The following ATP8B1 variants were observed in gnomAD, a reference collection of about 807,000 sequenced individuals.
The protein encoded by ATP8B1 is phospholipid-transporting ATPase IC.
A neutral mutation model predicts 149.9 loss-of-function variants in ATP8B1; 80 were observed. The observed-to-expected ratio is 0.53, with a 90% confidence interval of 0.45 to 0.64. ATP8B1 has a LOEUF of 0.64. Ranked by LOEUF, ATP8B1 falls within the 30% of genes least tolerant of loss-of-function variation. The pLI is 0.00. For missense variants in ATP8B1, 1,247 were observed against 1,552.6 expected, an observed-to-expected ratio of 0.80 and a Z score of 3.31; for synonymous variants, 536 against 562.8, an observed-to-expected ratio of 0.95 and a Z score of 0.67.
chr18:57,691,798 C>G lies in ATP8B1; in HGVS notation c.1220+9G>C, dbSNP rs1191674675. The G allele has an allele frequency of 1.2e-6, 2 of 1,613,820 alleles. No homozygotes were observed. The highest frequency in any genetic ancestry group is 1.7e-6 in the Non-Finnish European group (2 of 1,179,946). The stretch of plus-strand genomic sequence containing the variant: ...CATTAAAGCAAAATGCCAGAGAGGA[C>G]AGCCTTACCTGACATAGAGAGAGAT... On this transcript the variant is annotated intron_variant, in intron 12 of 27. Transcript: ENST00000648908.
intron 2 of ATP8B1, 132 bp downstream of exon 2, chr18:57,731,495 G>A (rs565694859): frequency 1.7e-5 from 18 of 1,042,854 alleles, no homozygotes; most frequent in Admixed American, 8.0e-5. Flanking sequence ...TCTGTCAGTC[G>A]CATCCTAAGA....
At chr18:57,661,696 C>CACACAT (rs775312497) in intron 21 of ATP8B1, among the ~76,000 whole-genome samples, 2 of 90,396 alleles carry the variant, frequency 2.2e-5, no homozygotes, top group African/African-American at 8.1e-5. Context: ...CACACACACA[C>CACACAT]ATATATATAT....
In ATP8B1 at chr18:57,701,249, C is replaced by T; in HGVS notation, c.458G>A (p.Gly153Asp). 1 of 1,614,196 alleles carries T rather than the reference C, an allele frequency of 6.2e-7. No individual in the cohort carries two copies. The highest frequency in any genetic ancestry group is 8.5e-7 in the Non-Finnish European group (1 of 1,180,044). ...TTLVPLLVVL[G>D]VTAIKDLVDD... is the part of the protein sequence containing the mutation. ...CACCAGGTCTTTGATTGCAGTGACG[C>T]CCAGCACCACAAGCAGGGGCACTAG... Residue 153 changes from glycine to aspartate, a missense_variant, in exon 5 of 28, where the codon GGC becomes GAC. Coordinates refer to ENST00000648908, the MANE Select transcript of ATP8B1 (RefSeq NM_001374385.1).
intron 16 of ATP8B1, among the ~76,000 whole-genome samples, chr18:57,672,923 T>TACAC (rs1911327541): frequency 2.0e-5 from 1 of 50,470 alleles, no homozygotes; most frequent in African/African-American, 9.9e-5. Context: ...TATATATATA[T>TACAC]ATATATATAA....
At chr18:57,656,398 T>G (rs1909997039) in intron 22 of ATP8B1, among the ~76,000 whole-genome samples, 1 of 151,346 alleles carries the variant, frequency 6.6e-6, no homozygotes, top group Admixed American at 6.6e-5. Flanking sequence ...TTTTTTTTTT[T>G]TTTTTGAGAT....
At chr18:57,677,744 C>A (rs1911685651) in intron 15 of ATP8B1, among the ~76,000 whole-genome samples, 1 of 152,162 alleles carries the variant, frequency 6.6e-6, no homozygotes. Flanking sequence ...TGCTAGAGGG[C>A]AAACTATTTA....
intron 1 of ATP8B1, among the ~76,000 whole-genome samples, chr18:57,750,966 G>C (rs2080011240): frequency 2.0e-5 from 3 of 151,954 alleles, no homozygotes; most frequent in Non-Finnish European, 2.9e-5. Context: ...TAAAAATACA[G>C]AAAATTAGCC....
chr18:57,739,389 C>G (rs894107751), intron 1 of ATP8B1, among the ~76,000 whole-genome samples: 1 of 152,268 alleles, frequency 6.6e-6, no homozygotes, highest in South Asian at 2.1e-4. Flanking sequence ...TACCACTGGC[C>G]CCCTTGAGCA....
intron 12 of ATP8B1, among the ~76,000 whole-genome samples, chr18:57,691,133 C>T (rs1912505566): frequency 6.6e-6 from 1 of 150,806 alleles, no homozygotes; most frequent in Non-Finnish European, 1.5e-5. Context: ...CTAGATCATG[C>T]CATTGCATTC....
At chr18:57,782,265 G>A (rs540548286) in intron 1 of ATP8B1, among the ~76,000 whole-genome samples, 102 of 152,354 alleles carry the variant, frequency 6.7e-4, no homozygotes, top group African/African-American at 2.4e-3. Flanking sequence ...ACACAGATAT[G>A]AGCTATGAAA....
chr18:57,723,698 C>A (rs1222619003), intron 2 of ATP8B1, among the ~76,000 whole-genome samples: 3 of 111,690 alleles, frequency 2.7e-5, no homozygotes, highest in Non-Finnish European at 5.4e-5. Context: ...AGATTCAATG[C>A]CATCCCCATC....
intron 4 of ATP8B1, among the ~76,000 whole-genome samples, 172 bp from the exon 5 acceptor site, chr18:57,701,485 C>T (rs1346764264): frequency 2.6e-5 from 4 of 152,170 alleles, no homozygotes; most frequent in Non-Finnish European, 5.9e-5. Context: ...CAACCTCCTT[C>T]TAGTGGTTCT....
At chr18:57,722,852 A>G (rs1186052681) in intron 2 of ATP8B1, among the ~76,000 whole-genome samples, 1 of 146,842 alleles carries the variant, frequency 6.8e-6, no homozygotes, top group Admixed American at 6.9e-5. Flanking sequence ...ATCCTCAATA[A>G]AATACTGGCA....
intron 1 of ATP8B1, among the ~76,000 whole-genome samples, chr18:57,782,801 C>CTTTTT (rs1337164844): frequency 1.1e-4 from 7 of 63,024 alleles, no homozygotes; most frequent in Admixed American, 3.0e-4. Flanking sequence ...TCTAGTTTGT[C>CTTTTT]TCTTTTTTTT....
Position 57,706,546 on chromosome 18 carries a change from C to T in ATP8B1, c.223G>A (p.Glu75Lys), listed in dbSNP as rs1296782918. 36 of 1,613,888 alleles carry T rather than the reference C, an allele frequency of 2.2e-5. No homozygotes were observed. The highest frequency in any genetic ancestry group is 1.7e-4 in the Admixed American group (10 of 59,988). Residue 75 changes from glutamate (E) to lysine (K), a missense_variant, in exon 3 of 28, where the codon GAA becomes AAA. Transcript: ENST00000648908. ...TTTGTGTTCATAAAGTGAGGTTGTT[C>T]GTGGTACTTGCGATCGTTTGCTTTG... ...QVKANDRKYHEQPHFMNTKFL... is the reference protein window; with the variant it reads ...QVKANDRKYHKQPHFMNTKFL...
At chr18:57,672,916 AT>A (rs1568189299) in intron 16 of ATP8B1, among the ~76,000 whole-genome samples, 3,352 of 72,234 alleles carry the variant, frequency 0.046, 291 homozygotes, top group East Asian at 0.17. Flanking sequence ...ATATATATAT[AT>A]ATATATATAT....
intron 1 of ATP8B1, among the ~76,000 whole-genome samples, chr18:57,746,031 G>A (rs992988205): frequency 1.8e-4 from 28 of 152,242 alleles, no homozygotes; most frequent in African/African-American, 6.5e-4. Context: ...CAGATGAAAC[G>A]TAGGAAATGT....
intron 6 of ATP8B1, among the ~76,000 whole-genome samples, chr18:57,698,555 G>A (rs568775393): frequency 2.0e-5 from 3 of 152,134 alleles, no homozygotes; most frequent in Non-Finnish European, 4.4e-5. Context: ...GGCTGGTCTC[G>A]AACTCCTGAC....
chr18:57,722,947 C>T lies in ATP8B1; in HGVS notation c.181+8680G>A, dbSNP rs1211623161. Among the ~76,000 whole-genome samples the T allele has an allele frequency of 3.4e-3, 506 of 150,240 alleles. 2 individuals are homozygous for T. The highest frequency in any genetic ancestry group is 0.011 in the African/African-American group (449 of 40,342). ...TGGGATGCAAGGCTGGTTCAATATA[C>T]GCAAATCGATAAATGTAATCCAGCA... On this transcript the variant is annotated intron_variant, in intron 2 of 27. Coordinates refer to ENST00000648908, the MANE Select transcript of ATP8B1 (RefSeq NM_001374385.1).
Sources: gnomAD v4.1 joint callset for allele counts (sites outside exome capture counted in the v4.1 genomes callset) on GRCh38, gnomAD v4.1.1 for gene constraint, MANE v1.5 for transcripts, NCBI Gene and HGNC (gene_info 2026-07-23, HGNC 2026-07-21) for gene names.